PPARGC1A: variants seen among roughly 807,000 people sequenced by gnomAD.
The protein encoded by PPARGC1A is peroxisome proliferator-activated receptor gamma coactivator 1-alpha.
In PPARGC1A, 25 loss-of-function variants were observed where a neutral mutation model predicts 88.7. The observed-to-expected ratio is 0.28, with a 90% CI of 0.21 to 0.39. PPARGC1A has a LOEUF of 0.39. Ranked by LOEUF, PPARGC1A falls within the 10% of genes least tolerant of loss-of-function variation. The probability of loss-of-function intolerance (pLI) is 1.00; values close to 1 mark genes in which losing one functional copy is unlikely to be tolerated. For missense variants in PPARGC1A, 880 were observed against 968.7 expected, an observed-to-expected ratio of 0.91 and a Z score of 1.22; for synonymous variants, 363 against 355.6, an observed-to-expected ratio of 1.02 and a Z score of -0.24.
the PPARGC1A span, among the ~76,000 whole-genome samples, chr4:24,328,132 G>C: frequency 3.3e-5 from 5 of 151,688 alleles, no homozygotes; most frequent in African/African-American, 1.2e-4. Context: ...GACTCAGCCC[G>C]CCTGCACCCA....
At chr4:24,031,610 C>T in the PPARGC1A span, among the ~76,000 whole-genome samples, 1 of 152,160 alleles carries the variant, frequency 6.6e-6, no homozygotes. Context: ...CACTCTGGCT[C>T]CGATCATTCT....
At chr4:24,008,159 G>A in the PPARGC1A span, among the ~76,000 whole-genome samples, 3 of 152,170 alleles carry the variant, frequency 2.0e-5, no homozygotes, top group African/African-American at 7.2e-5. Flanking sequence ...CAGCTGGGAA[G>A]CTATTTGACC....
chr4:23,808,345 G>T (rs2109402158), intron 10 of PPARGC1A, among the ~76,000 whole-genome samples: 1 of 152,056 alleles, frequency 6.6e-6, no homozygotes, highest in Admixed American at 6.6e-5. Flanking sequence ...ACTGTCCCTG[G>T]CTTCTGAGCT....
chr4:24,305,155 A>G, the PPARGC1A span, among the ~76,000 whole-genome samples: 2 of 149,648 alleles, frequency 1.3e-5, no homozygotes, highest in East Asian at 4.0e-4. Flanking sequence ...ATATACATAC[A>G]CACATATATA....
At chr4:23,795,958 A>T (rs371791287) in intron 12 of PPARGC1A, 33 bp from the exon 13 acceptor site, 1 of 1,493,286 alleles carries the variant, frequency 6.7e-7, no homozygotes, top group Non-Finnish European at 9.3e-7. Context: ...TTAGATACAC[A>T]CTTTGCTGAT....
At chr4:24,256,136 G>C in the PPARGC1A span, among the ~76,000 whole-genome samples, 1 of 152,168 alleles carries the variant, frequency 6.6e-6, no homozygotes, top group Non-Finnish European at 1.5e-5. Flanking sequence ...GTCAAGACTG[G>C]AACTAGACTA....
chr4:24,401,922 T>C, the PPARGC1A span, among the ~76,000 whole-genome samples: 206 of 152,296 alleles, frequency 1.4e-3, 1 homozygote, highest in Non-Finnish European at 2.2e-3. Context: ...AGAAGTCAAA[T>C]TACTTAGCTT....
At chr4:24,223,658 G>A in the PPARGC1A span, among the ~76,000 whole-genome samples, 1 of 152,244 alleles carries the variant, frequency 6.6e-6, no homozygotes, top group East Asian at 1.9e-4. Context: ...TGTTATGAAA[G>A]CAATGATGCA....
intron 2 of PPARGC1A, among the ~76,000 whole-genome samples, chr4:23,855,812 G>A (rs1277006285): frequency 6.6e-6 from 1 of 152,076 alleles, no homozygotes; most frequent in African/African-American, 2.4e-5. Flanking sequence ...AGGTGTTGGT[G>A]GTTTGGGAGA....
the PPARGC1A span, among the ~76,000 whole-genome samples, chr4:24,111,460 T>A: frequency 2.0e-5 from 3 of 152,186 alleles, no homozygotes; most frequent in African/African-American, 7.2e-5. Flanking sequence ...TCCAAACAAC[T>A]AACTTGCTAC....
At chr4:24,102,339 C>G in the PPARGC1A span, among the ~76,000 whole-genome samples, 1 of 152,064 alleles carries the variant, frequency 6.6e-6, no homozygotes. Context: ...CCATGGATAC[C>G]TACACAACAG....
chr4:23,987,816 T>C, the PPARGC1A span, among the ~76,000 whole-genome samples: 3 of 152,130 alleles, frequency 2.0e-5, no homozygotes, highest in East Asian at 1.9e-4. Flanking sequence ...ATACTTTAAG[T>C]TCTGGGGTAC....
chr4:24,234,998 A>G, the PPARGC1A span, among the ~76,000 whole-genome samples: 4 of 152,202 alleles, frequency 2.6e-5, no homozygotes, highest in Non-Finnish European at 2.9e-5. Context: ...GGCTCTTGGC[A>G]CTTCTGAAAT....
chr4:24,054,040 C>T, the PPARGC1A span, among the ~76,000 whole-genome samples: 30 of 152,220 alleles, frequency 2.0e-4, no homozygotes, highest in East Asian at 3.1e-3. Context: ...ACTGATATAA[C>T]ATTATGGCTT....
the PPARGC1A span, among the ~76,000 whole-genome samples, chr4:24,371,722 C>A: frequency 3.3e-5 from 5 of 151,322 alleles, 1 homozygote; most frequent in East Asian, 9.7e-4. Flanking sequence ...GGGAGGATCA[C>A]CTGAGGTCAG....
chr4:24,177,456 G>T, the PPARGC1A span, among the ~76,000 whole-genome samples: 2 of 151,250 alleles, frequency 1.3e-5, no homozygotes, highest in Non-Finnish European at 2.9e-5. Flanking sequence ...TCACACACTG[G>T]GGCCTGTTGT....
the PPARGC1A span, among the ~76,000 whole-genome samples, chr4:24,109,417 C>T: frequency 4.0e-5 from 6 of 151,838 alleles, no homozygotes; most frequent in Non-Finnish European, 8.8e-5. Context: ...GGGAAGGAGG[C>T]TTAGCATTAT....
chr4:24,105,434 G>A, the PPARGC1A span, among the ~76,000 whole-genome samples: 3 of 152,274 alleles, frequency 2.0e-5, no homozygotes, highest in Non-Finnish European at 2.9e-5. Flanking sequence ...GCCTGAGGAC[G>A]TTAAAAGTGA....
chr4:24,303,559 G>C, the PPARGC1A span, among the ~76,000 whole-genome samples: 1 of 152,136 alleles, frequency 6.6e-6, no homozygotes, highest in South Asian at 2.1e-4. Flanking sequence ...AATAAATACT[G>C]TTAACTGTCA....
Sources: gnomAD v4.1 joint callset for allele counts (sites outside exome capture counted in the v4.1 genomes callset) on GRCh38, gnomAD v4.1.1 for gene constraint, MANE v1.5 for transcripts, NCBI Gene and HGNC (gene_info 2026-07-23, HGNC 2026-07-21) for gene names.